The following LCT variants were observed in gnomAD, a reference collection of about 807,000 sequenced individuals.
LCT encodes lactase/phlorizin hydrolase.
In LCT, 90 loss-of-function variants were observed where a neutral mutation model predicts 173.0. That is an observed-to-expected ratio of 0.52 (90% CI 0.44 to 0.62). LCT has a LOEUF of 0.62. Ranked by LOEUF, LCT falls within the 20% of genes least tolerant of loss-of-function variation. LCT has a pLI of 0.00. For missense variants in LCT, 1,864 were observed against 2,431.4 expected (o/e 0.77, Z 4.91); for synonymous variants, 853 against 957.6 (o/e 0.89, Z 2.02).
At chr2:135,805,159 G>T in intron 9 of LCT, 102 bp from the exon 10 acceptor site, 3 of 1,147,710 alleles carry the variant, frequency 2.6e-6, no homozygotes, top group Non-Finnish European at 3.9e-6. Context: ...TTACTCTTTT[G>T]TGATAACGCT....
chr2:135,812,483 C>T lies in LCT; in HGVS notation c.2181G>A (p.Val727=). The change falls in exon 7 of 17, where the codon GTG becomes GTA. Residue 727 remains valine (V), a synonymous_variant. Coordinates refer to ENST00000264162, the MANE Select transcript of LCT (RefSeq NM_002299.4). Reference sequence around the variant, plus strand: ...ACAGCCTCCTTATCCCCCAGGGCACCACACGAATCCAAGAGGATGAGGTCT... The same window carrying T: ...ACAGCCTCCTTATCCCCCAGGGCACTACACGAATCCAAGAGGATGAGGTCT... The part of the protein sequence containing the change: ...WPQTSSSWIR[V]VPWGIRRLLQ... 1.2e-6 allele frequency: 2 copies of T among 1,614,228 alleles called. No individual in the cohort carries two copies. Among genetic ancestry groups the T allele is most frequent in the Non-Finnish European group, 1.7e-6 (2 of 1,180,050 alleles).
At chr2:135,835,976 G>GTGTAAATATA (rs1553436126) in intron 1 of LCT, among the ~76,000 whole-genome samples, 1 of 80,480 alleles carries the variant, frequency 1.2e-5, no homozygotes, top group African/African-American at 6.7e-5. Flanking sequence ...ATACATGTGT[G>GTGTAAATATA]TATATATATA....
In LCT at chr2:135,788,557, GAC is replaced by G; in HGVS notation, c.5564-15_5564-14del. On this transcript the variant is annotated splice_polypyrimidine_tract_variant and intron_variant, in intron 16 of 16. Transcript: ENST00000264162. ...GTGGGTCCAGCATCTAGGAGAGTGT[GAC>G]ACAGGGTGGTTGGTGCTCTGGCGCT... is the stretch of plus-strand genomic sequence containing the variant. The G allele has an allele frequency of 6.5e-7, 1 of 1,537,704 alleles. No homozygotes were observed. Among genetic ancestry groups the G allele is most frequent in the East Asian group, 2.2e-5 (1 of 44,638 alleles).
intron 12 of LCT, among the ~76,000 whole-genome samples, chr2:135,799,590 C>T (rs2077608724): frequency 1.3e-5 from 2 of 151,868 alleles, no homozygotes; most frequent in African/African-American, 4.8e-5. Flanking sequence ...GTTGGAACTA[C>T]AGGCATGTGC....
At chr2:135,804,663 C>G in intron 10 of LCT, 104 bp downstream of exon 10, 1 of 1,152,580 alleles carries the variant, frequency 8.7e-7, no homozygotes, top group East Asian at 2.4e-5. Flanking sequence ...ACAACAAAAG[C>G]TAAATTTGAA....
At chr2:135,794,561 G>T (rs1260071716) in intron 14 of LCT, 80 bp downstream of exon 14, 3 of 1,471,304 alleles carry the variant, frequency 2.0e-6, no homozygotes, top group Non-Finnish European at 2.9e-6. Context: ...TTGAGGCTGG[G>T]CAGGCCTCAG....
chr2:135,810,054 T>A, intron 7 of LCT, 61 bp from the exon 8 acceptor site: 1 of 1,227,284 alleles, frequency 8.1e-7, no homozygotes, highest in Non-Finnish European at 1.2e-6. Flanking sequence ...TGAGATGGGG[T>A]CTCACTGTAT....
At chr2:135,816,182 C>T (rs2077780106) in intron 6 of LCT, among the ~76,000 whole-genome samples, 1 of 152,188 alleles carries the variant, frequency 6.6e-6, no homozygotes, top group Admixed American at 6.5e-5. Flanking sequence ...GTATACATCC[C>T]CTTCTTGTTG....
Position 135,809,575 on chromosome 2 carries a change from G to A in LCT, c.2772C>T (p.Ala924=), listed in dbSNP as rs374241792. The A allele has an allele frequency of 1.8e-5, 29 of 1,614,090 alleles. No homozygotes were observed. Among genetic ancestry groups the A allele is most frequent in the South Asian group, 5.5e-5 (5 of 91,080 alleles). The change falls in exon 8 of 17, where the codon GCC becomes GCT. Residue 924 remains alanine (A), a synonymous_variant. Transcript: ENST00000264162. The surrounding 1 kb of genome is among the most constrained non-coding windows in gnomAD (Gnocchi z 5.5). ...SAYQIEGAWD[A]DGKGPSIWDN... is the part of the protein sequence containing the mutation. ...CCCAGATGCTGGGGCCTTTGCCATCGGCATCCCACGCGCCTTCAATCTGAT... is the reference window on the plus strand; with the variant it reads ...CCCAGATGCTGGGGCCTTTGCCATCAGCATCCCACGCGCCTTCAATCTGAT...
chr2:135,800,403 T>C (rs941132628), intron 12 of LCT, among the ~76,000 whole-genome samples: 37 of 152,280 alleles, frequency 2.4e-4, no homozygotes, highest in Middle Eastern at 3.4e-3. Flanking sequence ...AATTTTTTTT[T>C]CTTCACAGAC....
chr2:135,809,936 C>T lies in LCT; in HGVS notation c.2411G>A (p.Gly804Asp), dbSNP rs1242938123. Residue 804 changes from glycine (G) to aspartate (D), a missense_variant, in exon 8 of 17, where the codon GGC (glycine) becomes GAC (aspartate). Transcript: ENST00000264162. The surrounding 1 kb of genome is among the most constrained non-coding windows in gnomAD (Gnocchi z 5.5). Reference sequence around the variant, plus strand: ...GCTGTAACCAGAAGGGCCTTCGAAGCCATCAATGAGGGAACGAGCAATGTA... The same window carrying T: ...GCTGTAACCAGAAGGGCCTTCGAAGTCATCAATGAGGGAACGAGCAATGTA... ...RSYIARSLID[G>D]FEGPSGYSQR... The T allele has an allele frequency of 6.2e-7, 1 of 1,614,144 alleles. No individual in the cohort carries two copies. The highest frequency in any genetic ancestry group is 8.5e-7 in the Non-Finnish European group (1 of 1,180,032).
intron 3 of LCT, among the ~76,000 whole-genome samples, chr2:135,828,898 A>G (rs2077908921): frequency 6.6e-6 from 1 of 152,206 alleles, no homozygotes. Flanking sequence ...GACATAAAGA[A>G]GAAATTTACA....
In LCT at chr2:135,809,295, A is replaced by G. The variant is rs1203256240; in HGVS notation, c.3052T>C (p.Leu1018=). The G allele has an allele frequency of 1.9e-6, 3 of 1,614,148 alleles. No individual in the cohort carries two copies. The highest frequency in any genetic ancestry group is 1.1e-5 in the South Asian group (1 of 91,088). Residue 1018 remains leucine, a synonymous_variant, in exon 8 of 17, where the codon TTG becomes CTG. Coordinates refer to ENST00000264162, the MANE Select transcript of LCT (RefSeq NM_002299.4). The surrounding 1 kb of genome is among the most constrained non-coding windows in gnomAD (Gnocchi z 5.5). ...GCCTGGGGCAGGTCCCAATGGAACAATGTCACCATGGGAAAGATGTTGCTT... is the reference window on the plus strand; with the variant it reads ...GCCTGGGGCAGGTCCCAATGGAACAGTGTCACCATGGGAAAGATGTTGCTT... The part of the protein sequence containing the change: ...VASNIFPMVT[L]FHWDLPQALQ...
chr2:135,788,399 G>T lies in LCT; in HGVS notation c.5709C>A (p.Tyr1903Ter). The change falls in exon 17 of 17, where the codon TAC (tyrosine) becomes TAA (stop). Residue 1903 changes from tyrosine to a stop codon, truncating the protein, a stop_gained. Transcript: ENST00000264162. LOFTEE classifies it high-confidence loss of function. Reference protein sequence around the residue: ...LGVCGLAFLSYKYCKRSKQGK... With the variant: ...LGVCGLAFLS ...CTTGCTTAGAGCGCTTGCAGTACTT[G>T]TATGACAGAAATGCCAAGCCACAGA... 1 of 1,614,128 alleles carries T rather than the reference G, an allele frequency of 6.2e-7. No homozygotes were observed. The highest frequency in any genetic ancestry group is 8.5e-7 in the Non-Finnish European group (1 of 1,180,006).
At position 135,794,524 on chromosome 2, in the gene LCT, G is replaced by A. The variant is rs113531000; in HGVS notation, c.5111+117C>T. The A allele has an allele frequency of 3.2e-5, 35 of 1,106,868 alleles. No homozygotes were observed. The East Asian group carries it at 4.0e-4, about 13-fold the overall frequency. 68.6% of individuals were successfully genotyped at this position (1,106,868 alleles called of 1,614,324 possible). A position where few individuals can be genotyped will look rare whatever the true frequency, so the allele number is the denominator to read the frequency against. ...GGGTGGCGAGCATCTTGCAAACCCCGGCACATTCGGCGTTGGAGGCCCTGT... is the reference window on the plus strand; with the variant it reads ...GGGTGGCGAGCATCTTGCAAACCCCAGCACATTCGGCGTTGGAGGCCCTGT... On this transcript the variant is annotated intron_variant, in intron 14 of 16. Transcript: ENST00000264162.
Position 135,790,755 on chromosome 2 carries a change from A to ATTT in LCT, c.5237_5238insAAA (p.Tyr1746delinsTer). ...GCTGGGACACTCCATTCTCTGTGACATAAATTGGAGGGTCATTGTATTCCT... is the reference window on the plus strand; with the variant it reads ...GCTGGGACACTCCATTCTCTGTGACATTTTAAATTGGAGGGTCATTGTATTCCT... On this transcript the variant is annotated stop_gained, in exon 15 of 17. Transcript: ENST00000264162. LOFTEE classifies it high-confidence loss of function. The surrounding 1 kb of genome is among the most constrained non-coding windows in gnomAD (Gnocchi z 4.1). The ATTT allele has an allele frequency of 2.5e-6, 4 of 1,613,874 alleles. No homozygotes were observed. The highest frequency in any genetic ancestry group is 3.4e-6 in the Non-Finnish European group (4 of 1,179,910).
Position 135,822,059 on chromosome 2 carries a change from A to G in LCT, c.947T>C (p.Ile316Thr), listed in dbSNP as rs2077837761. Reference sequence around the variant, plus strand: ...TGATGAACAACTCAGAAACTCATTAATATCAAACCCAATGGTGAGCACTTG... The same window carrying G: ...TGATGAACAACTCAGAAACTCATTAGTATCAAACCCAATGGTGAGCACTTG... ...KDQVLTIGFD[I>T]NEFLSCSSSS... Residue 316 changes from isoleucine (I) to threonine (T), a missense_variant, in exon 5 of 17, where the codon ATT becomes ACT. Transcript: ENST00000264162. The G allele has an allele frequency of 6.2e-7, 1 of 1,609,930 alleles. No homozygotes were observed. Among genetic ancestry groups the G allele is most frequent in the Non-Finnish European group, 8.5e-7 (1 of 1,176,148 alleles).
At chr2:135,804,453 G>A (rs1429608562) in intron 10 of LCT, among the ~76,000 whole-genome samples, 7 of 152,026 alleles carry the variant, frequency 4.6e-5, no homozygotes, top group African/African-American at 1.2e-4. Context: ...AGGCCGAGGC[G>A]GGTGGATCAC....
chr2:135,795,682 T>C (rs889867861), intron 13 of LCT, among the ~76,000 whole-genome samples: 2 of 151,478 alleles, frequency 1.3e-5, no homozygotes, highest in Non-Finnish European at 2.9e-5. Flanking sequence ...ATTTGCAAAT[T>C]GAGTATTTGA....
Sources: gnomAD v4.1 joint callset for allele counts (sites outside exome capture counted in the v4.1 genomes callset) on GRCh38, gnomAD v4.1.1 for gene constraint, Gnocchi (gnomAD v3.1) non-coding constraint, MANE v1.5 for transcripts, NCBI Gene and HGNC (gene_info 2026-07-23, HGNC 2026-07-21) for gene names.